Variants in TARDBP observed in about 807,000 individuals in gnomAD.
TARDBP encodes the protein TAR DNA binding protein, also known as TAR DNA-binding protein 43.
Under a neutral mutation model 38.3 loss-of-function variants are expected in TARDBP, and 4 were observed. The ratio of observed to expected loss-of-function variants is 0.10; its 90% confidence interval spans 0.05 to 0.24. The LOEUF (loss-of-function observed/expected upper bound fraction) is 0.24, where lower values mean the gene tolerates loss of function less well. TARDBP is among the 10% of genes least tolerant of loss of function. The pLI is 1.00. For synonymous variants in TARDBP, 184 were observed against 183.8 expected (o/e 1.00, Z -0.01); for missense variants, 202 against 521.9 (o/e 0.39, Z 5.97).
At chr1:11,015,919 TTTTA>T (rs1450163025) in intron 2 of TARDBP, among the ~76,000 whole-genome samples, 4 of 150,220 alleles carry the variant, frequency 2.7e-5, no homozygotes, top group Middle Eastern at 6.9e-3. Flanking sequence ...ATTTTTGTAT[TTTTA>T]TTTATTTATT....
At chr1:11,020,390 CAT>C (rs907406678) in intron 4 of TARDBP, 37 bp from the exon 5 acceptor site, 2 of 1,611,742 alleles carry the variant, frequency 1.2e-6, no homozygotes, top group Non-Finnish European at 1.7e-6. Flanking sequence ...TTGTTCATAA[CAT>C]ATTTCTGAGT....
rs1233039501 is a variant in TARDBP at position 11,020,309 on chromosome 1, T to C, written c.544-120T>C. On this transcript the variant is annotated intron_variant, in intron 4 of 5. Transcript: ENST00000240185. ...TGATGGAAAAAATTAAGGGTACGTC[T>C]ACTTTTTAATGGTTCACTGCTATCC... 6.9e-5 allele frequency: 83 copies of C among 1,203,048 alleles called. 1 individual carries two copies. The highest frequency in any genetic ancestry group is 9.4e-5 in the Non-Finnish European group (78 of 829,494). The allele number at this position is 1,203,048 out of a possible 1,614,324, so 74.5% of individuals were successfully genotyped here.
chr1:11,020,448 T>C lies in TARDBP; in HGVS notation c.563T>C (p.Leu188Ser). The change falls in exon 5 of 6, where the codon TTG becomes TCG. Residue 188 changes from leucine (L) to serine (S), a missense_variant. Leu to Ser is a moderately radical substitution (Grantham distance 145). Transcript: ENST00000240185. ...GATCAGCAAAGCCAAGATGAGCCTTTGAGAAGCAGAAAAGTGTTTGTGGGG... is the reference window on the plus strand; with the variant it reads ...GATCAGCAAAGCCAAGATGAGCCTTCGAGAAGCAGAAAAGTGTTTGTGGGG... The part of the protein sequence containing the change: ...PNSKQSQDEP[L>S]RSRKVFVGRC... The C allele has an allele frequency of 6.2e-7, 1 of 1,614,146 alleles. No individual in the cohort carries two copies. The highest frequency in any genetic ancestry group is 8.5e-7 in the Non-Finnish European group (1 of 1,180,028).
intron 3 of TARDBP, among the ~76,000 whole-genome samples, chr1:11,017,777 G>T (rs1286338093): frequency 2.0e-5 from 3 of 152,162 alleles, no homozygotes; most frequent in Non-Finnish European, 4.4e-5. Context: ...TCCTGTTGTG[G>T]TGGCTCATGC....
At chr1:11,027,106 C>T, downstream of TARDBP, 1 of 1,608,644 alleles carries the variant, frequency 6.2e-7, no homozygotes, top group Admixed American at 1.7e-5. Flanking sequence ...AGCATGTTAG[C>T]AGTTACACTT....
chr1:11,016,622 A>G (rs1234896468), intron 2 of TARDBP, among the ~76,000 whole-genome samples: 1 of 152,218 alleles, frequency 6.6e-6, no homozygotes, highest in Non-Finnish European at 1.5e-5. Flanking sequence ...GCTACAAAAA[A>G]CAAACTTGGA....
At chr1:11,026,751 TG>T, downstream of TARDBP, 1 of 648,910 alleles carries the variant, frequency 1.5e-6, no homozygotes, top group Non-Finnish European at 2.4e-6. Flanking sequence ...CAGCCTCACC[TG>T]GAGTCTGTTT....
chr1:11,020,593 T>C lies in TARDBP; in HGVS notation c.708T>C (p.Asp236=). The change falls in exon 5 of 6, where the codon GAT becomes GAC. Residue 236 remains aspartate, a synonymous_variant. Transcript: ENST00000240185. The part of the protein sequence containing the change: ...FRAFAFVTFA[D]DQIAQSLCGE... ...CCTTTGCCTTTGTTACATTTGCAGA[T>C]GATCAGGTATTTTTCTCCTTAACGA... 3 of 1,613,838 alleles carry C rather than the reference T, an allele frequency of 1.9e-6. No individual in the cohort carries two copies. The highest frequency in any genetic ancestry group is 1.1e-5 in the South Asian group (1 of 91,070).
chr1:11,028,598 A>G (rs1358812607), downstream of TARDBP, among the ~76,000 whole-genome samples: 17 of 152,134 alleles, frequency 1.1e-4, no homozygotes, highest in Non-Finnish European at 7.3e-5. Context: ...GTGTACTTGC[A>G]TTAATACCTA....
chr1:11,017,016 C>T lies in TARDBP; in HGVS notation c.402+9C>T, dbSNP rs1557656502. 7.4e-6 allele frequency: 12 copies of T among 1,613,788 alleles called. No individual in the cohort carries two copies. Among genetic ancestry groups the T allele is most frequent in the East Asian group, 4.5e-5 (2 of 44,892 alleles). On this transcript the variant is annotated intron_variant, in intron 3 of 5. Coordinates refer to ENST00000240185, the MANE Select transcript of TARDBP (RefSeq NM_007375.4). ...AAGTTCTTATGGTGCAGGTAAACTTCGATTGCATCAAACAGTTTTTCTTTA... is the reference window on the plus strand; with the variant it reads ...AAGTTCTTATGGTGCAGGTAAACTTTGATTGCATCAAACAGTTTTTCTTTA...
At chr1:11,013,611 C>T in intron 1 of TARDBP, 105 bp from the exon 2 acceptor site, 1 of 950,790 alleles carries the variant, frequency 1.1e-6, no homozygotes, top group Admixed American at 2.0e-5. Flanking sequence ...TCCAGACAAG[C>T]ATTTTTCTGG....
At position 11,020,619 on chromosome 1, in the gene TARDBP, T is replaced by C; in HGVS notation, c.714+20T>C. On this transcript the variant is annotated intron_variant, in intron 5 of 5. Transcript: ENST00000240185. ...GATCAGGTATTTTTCTCCTTAACGA[T>C]ATGTCCCGGCCGGGCGTGGTGGCTC... 2 of 1,611,332 alleles carry C rather than the reference T, an allele frequency of 1.2e-6. No individual in the cohort carries two copies. Among genetic ancestry groups the C allele is most frequent in the East Asian group, 2.2e-5 (1 of 44,710 alleles).
downstream of TARDBP, chr1:11,030,303 T>C: frequency 7.6e-7 from 1 of 1,316,560 alleles, no homozygotes; most frequent in Non-Finnish European, 1.1e-6. Flanking sequence ...AAGATGGTTG[T>C]CATTTGCTTG....
downstream of TARDBP, chr1:11,030,076 G>A (rs908808019): frequency 1.5e-5 from 12 of 804,862 alleles, no homozygotes; most frequent in Non-Finnish European, 2.2e-5. Context: ...AAGTGCTGAA[G>A]TTACATTTCT....
intron 2 of TARDBP, among the ~76,000 whole-genome samples, chr1:11,014,763 A>G (rs554075061): frequency 6.6e-6 from 1 of 152,110 alleles, no homozygotes; most frequent in East Asian, 1.9e-4. Context: ...ACATGATGAA[A>G]CCCCATCTCT....
At chr1:11,028,112 C>T (rs1347528740), downstream of TARDBP, among the ~76,000 whole-genome samples, 1 of 151,928 alleles carries the variant, frequency 6.6e-6, no homozygotes, top group African/African-American at 2.4e-5. Flanking sequence ...ATCCCAGCCA[C>T]TTGGGAGGCT....
At chr1:11,013,060 G>C (rs1034635878) in intron 1 of TARDBP, among the ~76,000 whole-genome samples, 5 of 152,194 alleles carry the variant, frequency 3.3e-5, no homozygotes, top group Admixed American at 3.3e-4. Context: ...TGGTGCTCCT[G>C]CGCCCCACCC....
intron 2 of TARDBP, among the ~76,000 whole-genome samples, chr1:11,015,231 A>G (rs1643496040): frequency 6.6e-6 from 1 of 152,082 alleles, no homozygotes; most frequent in African/African-American, 2.4e-5. Flanking sequence ...CACACCTGTA[A>G]TCCCAGCACT....
At chr1:11,015,070 A>G (rs1006939858) in intron 2 of TARDBP, among the ~76,000 whole-genome samples, 5 of 151,354 alleles carry the variant, frequency 3.3e-5, no homozygotes, top group East Asian at 1.9e-4. Flanking sequence ...TCGCGCCGCT[A>G]CACTCCAACC....
Sources: allele counts gnomAD v4.1 joint callset (sites outside exome capture counted in the v4.1 genomes callset), GRCh38; gene constraint gnomAD v4.1.1; transcripts MANE v1.5; gene names NCBI Gene and HGNC (gene_info 2026-07-23, HGNC 2026-07-21).